The following SCPEP1 variants were observed in gnomAD, a reference collection of about 807,000 sequenced individuals.
SCPEP1 encodes the protein retinoid-inducible serine carboxypeptidase.
A neutral mutation model predicts 63.8 loss-of-function variants in SCPEP1; 51 were observed. The observed-to-expected ratio is 0.80, with a 90% CI of 0.64 to 1.01. The LOEUF (loss-of-function observed/expected upper bound fraction) is 1.01, where lower values mean the gene tolerates loss of function less well. SCPEP1 is among the 50% of genes least tolerant of loss of function. The pLI, the probability that SCPEP1 is intolerant of heterozygous loss-of-function variation, is 0.00. For synonymous variants in SCPEP1, 204 were observed against 207.8 expected, an observed-to-expected ratio of 0.98 and a Z score of 0.16; for missense variants, 499 against 554.9, an observed-to-expected ratio of 0.90 and a Z score of 1.01.
intron 1 of SCPEP1, 80 bp from the exon 2 acceptor site, chr17:56,981,002 C>T: frequency 6.7e-7 from 1 of 1,490,674 alleles, no homozygotes; most frequent in East Asian, 2.3e-5. Flanking sequence ...TCTAGCCTAG[C>T]ATGGCTGTCT....
intron 12 of SCPEP1, among the ~76,000 whole-genome samples, chr17:57,004,959 T>A (rs992240845): frequency 2.6e-5 from 4 of 152,258 alleles, no homozygotes; most frequent in African/African-American, 9.6e-5. Context: ...TCAGAGTAAC[T>A]GAGCAGCACA....
chr17:56,998,529 G>T (rs1376943547), intron 10 of SCPEP1, 31 bp downstream of exon 10: 2 of 1,518,248 alleles, frequency 1.3e-6, no homozygotes, highest in African/African-American at 2.7e-5. Context: ...AGTGCCGTTT[G>T]TACAGTTATG....
chr17:56,982,517 C>T (rs1911097982), intron 2 of SCPEP1, among the ~76,000 whole-genome samples: 1 of 152,192 alleles, frequency 6.6e-6, no homozygotes, highest in South Asian at 2.1e-4. Flanking sequence ...GTATGTCAGC[C>T]TGGGGAGCCC....
Position 57,006,746 on chromosome 17 carries a change from A to T in SCPEP1, c.*511A>T, listed in dbSNP as rs1297317019. On this transcript the variant is annotated 3_prime_UTR_variant, in exon 13 of 13. Transcript: ENST00000262288. The stretch of plus-strand genomic sequence containing the variant: ...CTGAAACACCTTTTCATGTCAATAA[A>T]TGTTCTTCTCTAACATTTTTAATGG... 2.6e-5 allele frequency: 4 copies of T among 152,174 alleles called. No homozygotes were observed. The highest frequency in any genetic ancestry group is 5.9e-5 in the Non-Finnish European group (4 of 68,028). 9.4% of individuals were successfully genotyped at this position (152,174 alleles called of 1,614,324 possible).
chr17:57,001,591 T>C (rs1345184814), intron 11 of SCPEP1, among the ~76,000 whole-genome samples: 1 of 152,182 alleles, frequency 6.6e-6, no homozygotes, highest in Non-Finnish European at 1.5e-5. Context: ...AATATTTTTG[T>C]GATGGGTAAA....
rs76824479 is a variant in SCPEP1 at position 56,993,359 on chromosome 17, A to G, written c.620-1622A>G. Among the ~76,000 whole-genome samples, 215 of 152,334 alleles carry G rather than the reference A, an allele frequency of 1.4e-3. 3 individuals carry two copies. The highest frequency in any genetic ancestry group is 4.9e-3 in the African/African-American group (205 of 41,586). On this transcript the variant is annotated intron_variant, in intron 6 of 12. Transcript: ENST00000262288. ...AAGTTCTATTGAACAATGCAGGCCT[A>G]CTTCAAAGATTGGTAAACAAGGGCC...
At chr17:56,979,061 CGT>C (rs1910995435) in intron 1 of SCPEP1, among the ~76,000 whole-genome samples, 1 of 152,182 alleles carries the variant, frequency 6.6e-6, no homozygotes, top group African/African-American at 2.4e-5. Flanking sequence ...ACAATATAAT[CGT>C]GTGTTACTTG....
At chr17:56,979,062 G>C (rs899361652) in intron 1 of SCPEP1, among the ~76,000 whole-genome samples, 1 of 152,172 alleles carries the variant, frequency 6.6e-6, no homozygotes, top group Non-Finnish European at 1.5e-5. Flanking sequence ...CAATATAATC[G>C]TGTGTTACTT....
chr17:56,988,218 A>C lies in SCPEP1; in HGVS notation c.474A>C (p.Thr158=). The C allele has an allele frequency of 1.2e-6, 2 of 1,608,108 alleles. No homozygotes were observed. The highest frequency in any genetic ancestry group is 1.7e-6 in the Non-Finnish European group (2 of 1,175,416). ...TGTGTAATTCCTTTTCTTGCTAGACAGTTCCATTCTACATTTTCTCAGAGT... is the reference window on the plus strand; with the variant it reads ...TGTGTAATTCCTTTTCTTGCTAGACCGTTCCATTCTACATTTTCTCAGAGT... ...TFFSCHKEFQ[T]VPFYIFSESY... Residue 158 remains threonine (T), a splice_region_variant and synonymous_variant, in exon 5 of 13, where the codon ACA becomes ACC. Coordinates refer to ENST00000262288, the MANE Select transcript of SCPEP1 (RefSeq NM_021626.3).
rs189862217 is a variant in SCPEP1 at position 56,981,419 on chromosome 17, G to A, written c.225+189G>A. Among the ~76,000 whole-genome samples the A allele has an allele frequency of 1.4e-3, 214 of 152,306 alleles. 2 individuals carry two copies. The highest frequency in any genetic ancestry group is 2.5e-4 in the Non-Finnish European group (17 of 68,034). ...AGCCAAGGAGGCTAAATCAGAGGGC[G>A]AGGGGGTTCTAGCCTTTTGCCAGAG... On this transcript the variant is annotated intron_variant, in intron 2 of 12. Transcript: ENST00000262288.
chr17:56,980,905 T>TG (rs1308586214), intron 1 of SCPEP1, among the ~76,000 whole-genome samples, 177 bp from the exon 2 acceptor site: 1 of 151,986 alleles, frequency 6.6e-6, no homozygotes, highest in Non-Finnish European at 1.5e-5. Context: ...CTGTTAAGTT[T>TG]GGTTTCTTTT....
Position 56,995,013 on chromosome 17 carries a change from A to C in SCPEP1, c.652A>C (p.Ser218Arg). The change falls in exon 7 of 13, where the codon AGC (serine) becomes CGC (arginine). Residue 218 changes from serine (S) to arginine (R), a missense_variant. By Grantham distance (110) the Ser-to-Arg change is moderately radical. Transcript: ENST00000262288. ...SVLSWGPYLY[S>R]MSLLEDKGLA... ...GCTCTCCTGGGGACCTTACCTGTAC[A>C]GCATGGTAAGTAGATACACATCTGC... 2 of 1,612,622 alleles carry C rather than the reference A, an allele frequency of 1.2e-6. No homozygotes were observed. Among genetic ancestry groups the C allele is most frequent in the Non-Finnish European group, 1.7e-6 (2 of 1,178,612 alleles).
At position 56,978,211 on chromosome 17, in the gene SCPEP1, C is replaced by A; in HGVS notation, c.52C>A (p.Pro18Thr). 6.4e-7 allele frequency: 1 copy of A among 1,560,258 alleles called. No individual in the cohort carries two copies. Among genetic ancestry groups the A allele is most frequent in the Non-Finnish European group, 8.6e-7 (1 of 1,158,544 alleles). ...CGTCCCGCGGTGGTTGCTGCTGCTG[C>A]CGCTGCTGCTGGGCCTGAACGCAGG... ...SPVPRWLLLL[P>T]LLLGLNAGAV... Residue 18 changes from proline to threonine, a missense_variant, in exon 1 of 13, where the codon CCG (proline) becomes ACG (threonine). Transcript: ENST00000262288.
chr17:56,996,075 C>G lies in SCPEP1; in HGVS notation c.786+440C>G, dbSNP rs1172718809. On this transcript the variant is annotated intron_variant, in intron 8 of 12. Transcript: ENST00000262288. ...TTAACACCTAGGCCCTTGGTTTTTTCCCTGCAGGGCCTGATCACTGCTCAT... is the reference window on the plus strand; with the variant it reads ...TTAACACCTAGGCCCTTGGTTTTTTGCCTGCAGGGCCTGATCACTGCTCAT... 2.0e-5 allele frequency among the ~76,000 whole-genome samples: 3 copies of G among 152,048 alleles called. 1 individual carries two copies. The highest frequency in any genetic ancestry group is 4.1e-4 in the South Asian group (2 of 4,820).
chr17:56,995,740 A>G lies in SCPEP1; in HGVS notation c.786+105A>G, dbSNP rs535684794. On this transcript the variant is annotated intron_variant, in intron 8 of 12. Transcript: ENST00000262288. ...CTTGGAGTCTACACTGAGGCTCCCC[A>G]CATATCTGCAAATGATTGCATGCTG... is the stretch of plus-strand genomic sequence containing the variant. The G allele has an allele frequency of 1.5e-4, 178 of 1,191,884 alleles. 4 individuals carry two copies. The Admixed American group carries it at 4.4e-3, about 30-fold the overall frequency. The allele number at this position is 1,191,884 out of a possible 1,614,324, so 73.8% of individuals were successfully genotyped here. A position where few individuals can be genotyped will look rare whatever the true frequency, so the allele number is the denominator to read the frequency against.
intron 3 of SCPEP1, among the ~76,000 whole-genome samples, chr17:56,986,767 G>A (rs1911233292): frequency 6.7e-6 from 1 of 148,374 alleles, no homozygotes; most frequent in South Asian, 2.2e-4. Context: ...GGATGGTCTC[G>A]ATCTCCTGAC....
At position 56,988,252 on chromosome 17, in the gene SCPEP1, G is replaced by A. The variant is rs1911283646; in HGVS notation, c.508G>A (p.Gly170Arg). The change falls in exon 5 of 13, where the codon GGA becomes AGA. Residue 170 changes from glycine (G) to arginine (R), a missense_variant. Coordinates refer to ENST00000262288, the MANE Select transcript of SCPEP1 (RefSeq NM_021626.3). ...CTACATTTTCTCAGAGTCCTATGGAGGAAAAATGGCAGCTGGCATTGGTCT... is the reference window on the plus strand; with the variant it reads ...CTACATTTTCTCAGAGTCCTATGGAAGAAAAATGGCAGCTGGCATTGGTCT... ...PFYIFSESYG[G>R]KMAAGIGLEL... The A allele has an allele frequency of 6.2e-7, 1 of 1,612,658 alleles. No individual in the cohort carries two copies. Among genetic ancestry groups the A allele is most frequent in the Non-Finnish European group, 8.5e-7 (1 of 1,179,226 alleles).
At chr17:56,981,844 G>A (rs1911077714) in intron 2 of SCPEP1, among the ~76,000 whole-genome samples, 1 of 152,148 alleles carries the variant, frequency 6.6e-6, no homozygotes, top group East Asian at 1.9e-4. Context: ...AAAAGAAAGT[G>A]TTATGGAAGG....
intron 6 of SCPEP1, among the ~76,000 whole-genome samples, chr17:56,991,528 A>G (rs1419686962): frequency 6.6e-6 from 1 of 152,194 alleles, no homozygotes; most frequent in East Asian, 1.9e-4. Context: ...CTGTTTTGTC[A>G]TCCTGCCCCC....
Sources: allele counts gnomAD v4.1 joint callset (sites outside exome capture counted in the v4.1 genomes callset), GRCh38; gene constraint gnomAD v4.1.1; transcripts MANE v1.5; gene names NCBI Gene and HGNC (gene_info 2026-07-23, HGNC 2026-07-21).